PEX14: variants seen among roughly 807,000 people sequenced by gnomAD.
PEX14 encodes peroxisomal biogenesis factor 14.
PEX14 carries 15 observed loss-of-function variants against 49.5 expected under a neutral mutation model. That is an observed-to-expected ratio of 0.30 (90% CI 0.20 to 0.47). The LOEUF is 0.47. Ranked by LOEUF, PEX14 falls within the 20% of genes least tolerant of loss-of-function variation. The probability of loss-of-function intolerance (pLI) is 1.00; values close to 1 mark genes in which losing one functional copy is unlikely to be tolerated. For missense variants in PEX14, 398 were observed against 494.8 expected (o/e 0.80, Z 1.86); for synonymous variants, 210 against 212.7 (o/e 0.99, Z 0.11).
intron 2 of PEX14, among the ~76,000 whole-genome samples, chr1:10,530,977 G>A (rs770881151): frequency 6.6e-6 from 1 of 152,132 alleles, no homozygotes; most frequent in Non-Finnish European, 1.5e-5. Flanking sequence ...TTCGTGGAAT[G>A]TGGCTTGTGG....
chr1:10,581,767 TATA>T (rs1313762626), intron 3 of PEX14, among the ~76,000 whole-genome samples: 1 of 149,246 alleles, frequency 6.7e-6, no homozygotes, highest in Non-Finnish European at 1.5e-5. Context: ...TTTATAAATT[TATA>T]ATAATTTATA....
At chr1:10,573,976 C>T (rs1253332248) in intron 3 of PEX14, among the ~76,000 whole-genome samples, 3 of 152,150 alleles carry the variant, frequency 2.0e-5, no homozygotes, top group Non-Finnish European at 4.4e-5. Context: ...TGGTGCATAC[C>T]TGTAATTCCC....
At chr1:10,536,322 G>C in intron 3 of PEX14, 25 bp downstream of exon 3, 1 of 1,365,194 alleles carries the variant, frequency 7.3e-7, no homozygotes, top group Non-Finnish European at 1.1e-6. Flanking sequence ...GGGCTGTGCA[G>C]CACGGCCTAC....
In PEX14 at chr1:10,529,094, C is replaced by T. The variant is rs1638572353; in HGVS notation, c.85-7119C>T. Among the ~76,000 whole-genome samples, 3 of 152,268 alleles carry T rather than the reference C, an allele frequency of 2.0e-5. 1 individual carries two copies. In the South Asian group the frequency reaches 6.2e-4, roughly 32 times the overall value. ...GTTGCATCAAAAATTAGAGGGGCTG[C>T]TATCTAAATTCAGGTGGGGATGCGT... On this transcript the variant is annotated intron_variant, in intron 2 of 8. Transcript: ENST00000356607. This position sits in a 1 kb window ranked among gnomAD's most constrained non-coding sequence, Gnocchi z 4.2.
chr1:10,588,419 G>T (rs976415333), intron 3 of PEX14, among the ~76,000 whole-genome samples: 2 of 152,138 alleles, frequency 1.3e-5, no homozygotes, highest in Non-Finnish European at 2.9e-5. Context: ...GAGTGGGAAG[G>T]AGACTGATTT....
At position 10,630,182 on chromosome 1, in the gene PEX14, C is replaced by T. The variant is rs551413796; in HGVS notation, c.*195C>T. The T allele has an allele frequency of 2.5e-4, 213 of 865,106 alleles. 2 individuals are homozygous for T. In the South Asian group the frequency reaches 3.2e-3, roughly 13 times the overall value. 53.6% of individuals were successfully genotyped at this position (865,106 alleles called of 1,614,324 possible). On this transcript the variant is annotated 3_prime_UTR_variant, in exon 9 of 9. Transcript: ENST00000356607. The surrounding 1 kb of genome is among the most constrained non-coding windows in gnomAD (Gnocchi z 4.1). ...TCCACCTGGCCTCCTCTCGCCTGGC[C>T]GCCAGCCCCAGCCCCAGCCCCAGCC...
At chr1:10,546,564 A>C (rs1639178778) in intron 3 of PEX14, among the ~76,000 whole-genome samples, 2 of 63,576 alleles carry the variant, frequency 3.1e-5, no homozygotes, top group South Asian at 6.0e-4. Flanking sequence ...ACTCTGTTTC[A>C]AAAAAAAAAA....
chr1:10,520,141 T>C (rs1300617406), intron 2 of PEX14, among the ~76,000 whole-genome samples: 1 of 120,288 alleles, frequency 8.3e-6, no homozygotes, highest in Non-Finnish European at 1.7e-5. Context: ...TGCCTGGCCT[T>C]CTTCTTCTTT....
chr1:10,606,981 C>T (rs559983018), intron 4 of PEX14, among the ~76,000 whole-genome samples: 4 of 152,272 alleles, frequency 2.6e-5, no homozygotes, highest in African/African-American at 9.6e-5. Flanking sequence ...AGAACATTTC[C>T]AATACCCTGA....
At chr1:10,552,217 G>A (rs1269927548) in intron 3 of PEX14, among the ~76,000 whole-genome samples, 1 of 152,216 alleles carries the variant, frequency 6.6e-6, no homozygotes, top group East Asian at 1.9e-4. Context: ...GCCGAGACGG[G>A]CAAATCACGA....
chr1:10,488,764 A>G (rs945883737), intron 1 of PEX14, among the ~76,000 whole-genome samples: 1 of 152,026 alleles, frequency 6.6e-6, no homozygotes, highest in African/African-American at 2.4e-5. Flanking sequence ...CGGCCTCCCA[A>G]AGTGCTGGGA....
In PEX14 at chr1:10,495,482, C is replaced by T. The variant is rs573377755; in HGVS notation, c.84+161C>T. Among the ~76,000 whole-genome samples, 12 of 152,296 alleles carry T rather than the reference C, an allele frequency of 7.9e-5. No homozygotes were observed. The South Asian group carries it at 1.5e-3, about 18-fold the overall frequency. The stretch of plus-strand genomic sequence containing the variant: ...CAGTGACCTCTGACTTCTCTTCTCG[C>T]GTGTGGGGACGAGTGAGATCTCTCC... On this transcript the variant is annotated intron_variant, in intron 2 of 8. Transcript: ENST00000356607. The surrounding 1 kb of genome is among the most constrained non-coding windows in gnomAD (Gnocchi z 4.2).
Position 10,629,439 on chromosome 1 carries a change from G to T in PEX14, c.678-92G>T. The T allele has an allele frequency of 1.2e-6, 1 of 855,394 alleles. No individual in the cohort carries two copies. Among genetic ancestry groups the T allele is most frequent in the Non-Finnish European group, 2.0e-6 (1 of 510,780 alleles). 53.0% of individuals were successfully genotyped at this position (855,394 alleles called of 1,614,324 possible). On this transcript the variant is annotated intron_variant, in intron 8 of 8. Transcript: ENST00000356607. This position sits in a 1 kb window ranked among gnomAD's most constrained non-coding sequence, Gnocchi z 8.5. ...GTCCCTGGGGGAGCAGCTCACCATC[G>T]CCGAGCCCTTGCGGGTCAGGGAAGG...
chr1:10,610,197 A>G (rs1363042155), intron 4 of PEX14, among the ~76,000 whole-genome samples: 2 of 148,624 alleles, frequency 1.3e-5, no homozygotes, highest in Non-Finnish European at 3.0e-5. Flanking sequence ...TTGCATCCTA[A>G]GAAGCCTTTG....
chr1:10,614,002 G>A (rs1641342677), intron 4 of PEX14, among the ~76,000 whole-genome samples: 1 of 152,242 alleles, frequency 6.6e-6, no homozygotes, highest in African/African-American at 2.4e-5. Context: ...GCGGGGAGGT[G>A]TGTTCCCAGG....
chr1:10,595,581 A>G lies in PEX14; in HGVS notation c.170-3657A>G, dbSNP rs181614609. ...TGCATATTGATACCTCAACTAAAAG[A>G]ACATTTGGGGCTTTATTAAAATTGA... On this transcript the variant is annotated intron_variant, in intron 3 of 8. Transcript: ENST00000356607. Among the ~76,000 whole-genome samples, 106 of 152,286 alleles carry G rather than the reference A, an allele frequency of 7.0e-4. 1 individual carries two copies. The highest frequency in any genetic ancestry group is 6.7e-3 in the Admixed American group (103 of 15,292).
chr1:10,562,275 C>G (rs958951524), intron 3 of PEX14, among the ~76,000 whole-genome samples: 13 of 152,138 alleles, frequency 8.5e-5, no homozygotes, highest in Non-Finnish European at 1.8e-4. Flanking sequence ...GTATCAAAAT[C>G]AAGAAGATAA....
intron 2 of PEX14, among the ~76,000 whole-genome samples, chr1:10,503,686 A>G (rs1641728463): frequency 6.6e-6 from 1 of 151,858 alleles, no homozygotes; most frequent in African/African-American, 2.4e-5. Flanking sequence ...TGTGTTGGTT[A>G]AGATAACCAA....
intron 2 of PEX14, among the ~76,000 whole-genome samples, chr1:10,534,667 T>C (rs1460239738): frequency 6.6e-6 from 1 of 152,024 alleles, no homozygotes; most frequent in Non-Finnish European, 1.5e-5. Flanking sequence ...TTCATGACGG[T>C]GGTTAGTACT....
Sources: gnomAD v4.1 joint callset for allele counts (sites outside exome capture counted in the v4.1 genomes callset) on GRCh38, gnomAD v4.1.1 for gene constraint, Gnocchi (gnomAD v3.1) non-coding constraint, MANE v1.5 for transcripts, NCBI Gene and HGNC (gene_info 2026-07-23, HGNC 2026-07-21) for gene names.